The following GNAS variants were observed in gnomAD, a reference collection of about 807,000 sequenced individuals.
GNAS encodes the protein GNAS complex locus, also known as protein ALEX.
In GNAS, 8 loss-of-function variants were observed where a neutral mutation model predicts 54.5. That is an observed-to-expected ratio of 0.15 (90% CI 0.09 to 0.26). The LOEUF is 0.26. Ranked by LOEUF, GNAS falls within the 10% of genes least tolerant of loss-of-function variation. The pLI is 1.00. For missense variants in GNAS, 170 were observed against 529.8 expected, an observed-to-expected ratio of 0.32 and a Z score of 6.67; for synonymous variants, 204 against 191.4, an observed-to-expected ratio of 1.07 and a Z score of -0.54.
upstream of GNAS, chr20:58,891,184 G>C (rs970248686): frequency 6.0e-5 from 9 of 149,038 alleles, no homozygotes; most frequent in Admixed American, 5.3e-4. Context: ...CGGGCGGAGG[G>C]ACCCCCTCCC....
chr20:58,896,903 CA>C (rs1161338466), intron 2 of GNAS, among the ~76,000 whole-genome samples: 1 of 151,976 alleles, frequency 6.6e-6, no homozygotes, highest in Non-Finnish European at 1.5e-5. Context: ...ACAAAACAAA[CA>C]AAAAAACCTT....
At chr20:58,891,059 A>C (rs2089193008), upstream of GNAS, among the ~76,000 whole-genome samples, 1 of 148,158 alleles carries the variant, frequency 6.7e-6, no homozygotes, top group Admixed American at 6.7e-5. Context: ...GCGTCGTGCG[A>C]GGGGTCGTCA....
chr20:58,906,167 TA>T (rs2091030595), intron 6 of GNAS, among the ~76,000 whole-genome samples: 1 of 152,210 alleles, frequency 6.6e-6, no homozygotes, highest in African/African-American at 2.4e-5. Context: ...TAAAACAAAT[TA>T]CTACCTGCGA....
At chr20:58,840,316 C>T (rs1287173133), upstream of GNAS, 6 of 1,612,830 alleles carry the variant, frequency 3.7e-6, no homozygotes, top group East Asian at 8.9e-5. The surrounding 1 kb of genome is among the most constrained non-coding windows in gnomAD (Gnocchi z 6.0). Flanking sequence ...CCCACCACCG[C>T]TCCGGCGCCC....
chr20:58,908,102 A>G (rs181360992), intron 6 of GNAS, among the ~76,000 whole-genome samples: 3 of 152,332 alleles, frequency 2.0e-5, no homozygotes, highest in Admixed American at 6.5e-5. Context: ...TGAACTAGTA[A>G]AAAGGAAGAG....
chr20:58,910,497 C>T lies in GNAS; in HGVS notation c.1038+96C>T, dbSNP rs2091365267. The T allele has an allele frequency of 2.6e-6, 3 of 1,168,992 alleles. No individual in the cohort carries two copies. Among genetic ancestry groups the T allele is most frequent in the Middle Eastern group, 2.5e-4 (1 of 3,960 alleles). The allele number at this position is 1,168,992 out of a possible 1,614,324, so 72.4% of individuals were successfully genotyped here. ...TTCCAAATTCAGGGGTTCAGCTACC[C>T]AGTTCCATGGTTTTAGTTCACGCAC... On this transcript the variant is annotated intron_variant, in intron 12 of 12. Transcript: ENST00000371085. This position sits in a 1 kb window ranked among gnomAD's most constrained non-coding sequence, Gnocchi z 5.8.
intron 1 of GNAS, among the ~76,000 whole-genome samples, chr20:58,879,959 A>T (rs944771833): frequency 3.9e-5 from 6 of 152,062 alleles, no homozygotes; most frequent in Admixed American, 1.3e-4. Context: ...AATTTCCATG[A>T]TTCTGTTCCT....
intron 1 of GNAS, chr20:58,855,013 A>G (rs1347377733): frequency 4.3e-6 from 7 of 1,612,740 alleles, no homozygotes; most frequent in African/African-American, 1.3e-5. Flanking sequence ...GAGTCCGACG[A>G]TGGGACCTCC....
At chr20:58,903,828 C>T (rs2090859145) in intron 5 of GNAS, 37 bp downstream of exon 5, 1 of 1,612,246 alleles carries the variant, frequency 6.2e-7, no homozygotes, top group East Asian at 2.2e-5. Context: ...CTTAGCCCCG[C>T]CCACCTGAGC....
Position 58,878,111 on chromosome 20 carries a change from C to G in GNAS, c.44-17501C>G, listed in dbSNP as rs1311080293. ...CAGGAAGTGCAGGCTGTGTTGAGAG[C>G]CTCTGGTGCAGACTTACGCAGAGCA... On this transcript the variant is annotated intron_variant, in intron 1 of 12. Coordinates refer to the GNAS transcript ENST00000306090. 3.9e-5 allele frequency among the ~76,000 whole-genome samples: 6 copies of G among 152,322 alleles called. No individual in the cohort carries two copies. The East Asian group carries it at 9.6e-4, about 24-fold the overall frequency.
At chr20:58,862,755 T>C (rs1374003020) in intron 1 of GNAS, among the ~76,000 whole-genome samples, 2 of 151,696 alleles carry the variant, frequency 1.3e-5, no homozygotes, top group Non-Finnish European at 2.9e-5. Context: ...CATTTATAAT[T>C]GTGTGAAGTC....
intron 1 of GNAS, among the ~76,000 whole-genome samples, chr20:58,864,617 C>T (rs763750147): frequency 1.1e-4 from 17 of 152,136 alleles, no homozygotes; most frequent in East Asian, 1.9e-4. Context: ...ACAGGTGGCA[C>T]GTGTCTGTGA....
rs1395945334 is a variant in GNAS, at chr20:58,863,243, T to C, written c.43+22357T>C. Among the ~76,000 whole-genome samples the C allele has an allele frequency of 1.3e-5, 2 of 152,200 alleles. No homozygotes were observed. Among genetic ancestry groups the C allele is most frequent in the Non-Finnish European group, 2.9e-5 (2 of 68,028 alleles). On this transcript the variant is annotated intron_variant, in intron 1 of 12. Transcript: ENST00000306090. The surrounding 1 kb of genome is among the most constrained non-coding windows in gnomAD (Gnocchi z 4.1). Reference sequence around the variant, plus strand: ...TGGGAAGAATGTTAGGCAACTGATCTGTGACAGGGCAATGGAAATTAAGGG... The same window carrying C: ...TGGGAAGAATGTTAGGCAACTGATCCGTGACAGGGCAATGGAAATTAAGGG...
At chr20:58,854,317 G>C in intron 1 of GNAS, 1 of 1,599,280 alleles carries the variant, frequency 6.3e-7, no homozygotes, top group Non-Finnish European at 8.5e-7. Context: ...CGAGCAGAGA[G>C]ACCCCCAGTT....
chr20:58,891,663 CGT>C lies in GNAS; in HGVS notation c.-62_-61del, dbSNP rs2089350512. ...GCGCTGCCCCGGCCCTCCCGGCCCG[CGT>C]GAGGCCGCCCGCGCCCGCCGCCGCC... On this transcript the variant is annotated 5_prime_UTR_variant, in exon 1 of 13. Transcript: ENST00000371085. 2 of 970,058 alleles carry C rather than the reference CGT, an allele frequency of 2.1e-6. No homozygotes were observed. Among genetic ancestry groups the C allele is most frequent in the South Asian group, 4.7e-5 (1 of 21,308 alleles). The allele number at this position is 970,058 out of a possible 1,614,324, so 60.1% of individuals were successfully genotyped here. A position where few individuals can be genotyped will look rare whatever the true frequency, so the allele number is the denominator to read the frequency against.
Position 58,891,920 on chromosome 20 carries a change from C to G in GNAS, c.139+55C>G, listed in dbSNP as rs1168056844. 1.4e-5 allele frequency: 13 copies of G among 951,376 alleles called. No individual in the cohort carries two copies. The South Asian group carries it at 1.4e-4, about 10-fold the overall frequency. 58.9% of individuals were successfully genotyped at this position (951,376 alleles called of 1,614,324 possible). A position where few individuals can be genotyped will look rare whatever the true frequency, so the allele number is the denominator to read the frequency against. Reference sequence around the variant, plus strand: ...GCCCGGGGGCCCTCGAAGGGCGCCCCGCAGGCCGCGCGCGCCGAGCCCGCC... The same window carrying G: ...GCCCGGGGGCCCTCGAAGGGCGCCCGGCAGGCCGCGCGCGCCGAGCCCGCC... On this transcript the variant is annotated intron_variant, in intron 1 of 12. Transcript: ENST00000371085.
chr20:58,896,631 AAAAG>A (rs2090081134), intron 2 of GNAS, among the ~76,000 whole-genome samples: 1 of 151,448 alleles, frequency 6.6e-6, no homozygotes, highest in Non-Finnish European at 1.5e-5. Context: ...TAAAAAAAAA[AAAAG>A]AAAAAGAAAA....
intron 3 of GNAS, among the ~76,000 whole-genome samples, chr20:58,901,349 A>G (rs183049307): frequency 3.9e-5 from 6 of 152,344 alleles, no homozygotes; most frequent in Admixed American, 2.6e-4. Context: ...GCACATACAA[A>G]GCAGACAGTC....
chr20:58,854,840 G>T (rs771935309), intron 1 of GNAS: 1 of 1,596,734 alleles, frequency 6.3e-7, no homozygotes, highest in Admixed American at 1.7e-5. Context: ...CCAGACGCAA[G>T]ATCCATCTCA....
Sources: gnomAD v4.1 joint callset for allele counts (sites outside exome capture counted in the v4.1 genomes callset) on GRCh38, gnomAD v4.1.1 for gene constraint, Gnocchi (gnomAD v3.1) non-coding constraint, MANE v1.5 for transcripts, NCBI Gene and HGNC (gene_info 2026-07-23, HGNC 2026-07-21) for gene names.